The following GPR39 variants were observed in gnomAD, a reference collection of about 807,000 sequenced individuals.
The protein encoded by GPR39 is zinc sensing receptor.
Under a neutral mutation model 18.4 loss-of-function variants are expected in GPR39, and 23 were observed. That is an observed-to-expected ratio of 1.25 (90% CI 0.90 to 1.77). The LOEUF is 1.77. Ranked by LOEUF, GPR39 falls within the 40% of genes most tolerant of loss-of-function variation. The pLI is 0.00. For synonymous variants in GPR39, 280 were observed against 257.9 expected, an observed-to-expected ratio of 1.09 and a Z score of -0.82; for missense variants, 647 against 602.4, an observed-to-expected ratio of 1.07 and a Z score of -0.78.
At chr2:132,452,123 A>G (rs752378534) in intron 1 of GPR39, among the ~76,000 whole-genome samples, 8 of 152,208 alleles carry the variant, frequency 5.3e-5, no homozygotes, top group Non-Finnish European at 1.0e-4. Context: ...TTCTAATGGT[A>G]AATGATACAA....
chr2:132,529,084 G>A (rs751908739), intron 1 of GPR39, among the ~76,000 whole-genome samples: 14 of 152,120 alleles, frequency 9.2e-5, no homozygotes, highest in Non-Finnish European at 1.5e-4. Context: ...AAGCACAAGG[G>A]GTCAGGGAAT....
At chr2:132,618,569 G>A (rs559886290) in intron 1 of GPR39, among the ~76,000 whole-genome samples, 2 of 152,236 alleles carry the variant, frequency 1.3e-5, no homozygotes, top group South Asian at 4.2e-4. Context: ...CACATCTTAT[G>A]TGGGTGCCAA....
chr2:132,483,527 T>G (rs982202028), intron 1 of GPR39, among the ~76,000 whole-genome samples: 1 of 152,248 alleles, frequency 6.6e-6, no homozygotes, highest in Non-Finnish European at 1.5e-5. Context: ...CAGGCCGTGA[T>G]TGGCCGTTCT....
intron 1 of GPR39, among the ~76,000 whole-genome samples, chr2:132,634,559 T>C (rs1043435474): frequency 6.6e-6 from 1 of 152,148 alleles, no homozygotes; most frequent in African/African-American, 2.4e-5. Flanking sequence ...AAATTGAGGG[T>C]TATAATTGTC....
At chr2:132,460,058 T>G (rs1680803744) in intron 1 of GPR39, among the ~76,000 whole-genome samples, 1 of 152,310 alleles carries the variant, frequency 6.6e-6, no homozygotes, top group African/African-American at 2.4e-5. Context: ...TAGAAGCATT[T>G]TAAAATTTGG....
At chr2:132,540,205 A>G (rs968641141) in intron 1 of GPR39, among the ~76,000 whole-genome samples, 1 of 152,006 alleles carries the variant, frequency 6.6e-6, no homozygotes, top group African/African-American at 2.4e-5. Context: ...TTTCCTTCCA[A>G]TGCAAAATAT....
chr2:132,575,694 A>T (rs971402711), intron 1 of GPR39, among the ~76,000 whole-genome samples: 1 of 152,228 alleles, frequency 6.6e-6, no homozygotes, highest in Non-Finnish European at 1.5e-5. Flanking sequence ...CACTTCCCTA[A>T]GGGCTAATGA....
chr2:132,516,144 C>T (rs184484493), intron 1 of GPR39, among the ~76,000 whole-genome samples: 10 of 152,234 alleles, frequency 6.6e-5, no homozygotes, highest in African/African-American at 1.4e-4. Context: ...ACCTCTTGCT[C>T]GCCAGGCTTT....
intron 1 of GPR39, among the ~76,000 whole-genome samples, chr2:132,482,137 C>T (rs1266562163): frequency 6.6e-6 from 1 of 152,218 alleles, no homozygotes; most frequent in Non-Finnish European, 1.5e-5. Context: ...CTTTGCCTGC[C>T]TGTCTGCCTC....
chr2:132,641,827 T>C lies in GPR39; in HGVS notation c.857-3274T>C, dbSNP rs185611128. On this transcript the variant is annotated intron_variant, in intron 1 of 1. Coordinates refer to ENST00000329321, the MANE Select transcript of GPR39 (RefSeq NM_001508.3). ...ATATCCATTTTACATGGTGGAATTA[T>C]GGTGTTTACTTTCTTGCTTGTGTTT... Among the ~76,000 whole-genome samples, 4 of 152,326 alleles carry C rather than the reference T, an allele frequency of 2.6e-5. No individual in the cohort carries two copies. In the East Asian group the frequency reaches 5.8e-4, roughly 22 times the overall value.
rs186679389 is a variant in GPR39, at chr2:132,464,189, A to G, written c.856+46291A>G. 5.3e-5 allele frequency among the ~76,000 whole-genome samples: 8 copies of G among 152,356 alleles called. No individual in the cohort carries two copies. The East Asian group carries it at 1.5e-3, about 29-fold the overall frequency. On this transcript the variant is annotated intron_variant, in intron 1 of 1. Transcript: ENST00000329321. ...GAAGAAGTATCACATGAGCTTATCCATGACGAACGACATGCCCAACACTGA... is the reference window on the plus strand; with the variant it reads ...GAAGAAGTATCACATGAGCTTATCCGTGACGAACGACATGCCCAACACTGA...
intron 1 of GPR39, among the ~76,000 whole-genome samples, chr2:132,480,070 T>C (rs1232444961): frequency 2.6e-5 from 4 of 152,180 alleles, no homozygotes; most frequent in Non-Finnish European, 5.9e-5. Flanking sequence ...TGGAATATTA[T>C]TCAGTCTTAA....
chr2:132,588,213 G>T (rs1338682248), intron 1 of GPR39, among the ~76,000 whole-genome samples: 1 of 152,136 alleles, frequency 6.6e-6, no homozygotes, highest in African/African-American at 2.4e-5. Context: ...CTGTAGCACT[G>T]GTCCAGCTCT....
intron 1 of GPR39, among the ~76,000 whole-genome samples, chr2:132,477,332 C>T (rs13034310): frequency 0.43 from 65,467 of 151,930 alleles, 17,797 homozygotes; most frequent in Non-Finnish European, 0.61. Flanking sequence ...CATTCAGAGG[C>T]GTGGAGGACA....
chr2:132,427,529 TATAAC>T (rs1468616492), intron 1 of GPR39, among the ~76,000 whole-genome samples: 4 of 150,766 alleles, frequency 2.7e-5, no homozygotes, highest in Middle Eastern at 3.3e-3. Flanking sequence ...GAGTATGTAA[TATAAC>T]ATAATATCTT....
intron 1 of GPR39, among the ~76,000 whole-genome samples, chr2:132,618,516 G>C (rs1008895344): frequency 6.6e-6 from 1 of 152,142 alleles, no homozygotes; most frequent in African/African-American, 2.4e-5. Flanking sequence ...CTTCTATTAT[G>C]ACTAAATGGG....
At chr2:132,543,709 G>C (rs1481459000) in intron 1 of GPR39, among the ~76,000 whole-genome samples, 1 of 152,188 alleles carries the variant, frequency 6.6e-6, no homozygotes. Flanking sequence ...AAGTGGGGAA[G>C]AGGAATTTGT....
chr2:132,619,836 C>G (rs148057871), intron 1 of GPR39, among the ~76,000 whole-genome samples: 2,440 of 131,464 alleles, frequency 0.019, 52 homozygotes, highest in Admixed American at 0.056. Context: ...CACAGACACA[C>G]ACACACACAC....
At chr2:132,571,226 C>T (rs962387916) in intron 1 of GPR39, among the ~76,000 whole-genome samples, 1 of 152,218 alleles carries the variant, frequency 6.6e-6, no homozygotes, top group Non-Finnish European at 1.5e-5. Context: ...CGACATCTTA[C>T]ATGGATGATT....
Sources: gnomAD v4.1 joint callset for allele counts (sites outside exome capture counted in the v4.1 genomes callset) on GRCh38, gnomAD v4.1.1 for gene constraint, MANE v1.5 for transcripts, NCBI Gene and HGNC (gene_info 2026-07-23, HGNC 2026-07-21) for gene names.